The following PTPN13 variants were observed in gnomAD, a reference collection of about 807,000 sequenced individuals.
PTPN13 encodes tyrosine-protein phosphatase non-receptor type 13.
A neutral mutation model predicts 284.0 loss-of-function variants in PTPN13; 191 were observed. That is an observed-to-expected ratio of 0.67 (90% CI 0.60 to 0.76). The LOEUF is 0.76. Among genes scored for constraint, PTPN13 ranks in the 30% least tolerant of loss-of-function variants. The probability of loss-of-function intolerance (pLI) is 0.00; values close to 1 mark genes in which losing one functional copy is unlikely to be tolerated. For synonymous variants in PTPN13, 986 were observed against 1,022.3 expected, an observed-to-expected ratio of 0.96 and a Z score of 0.68; for missense variants, 2,797 against 2,939.9, an observed-to-expected ratio of 0.95 and a Z score of 1.12.
intron 43 of PTPN13, 40 bp downstream of exon 43, chr4:86,803,897 G>C: frequency 6.3e-6 from 10 of 1,582,154 alleles, no homozygotes; most frequent in Non-Finnish European, 8.6e-6. Flanking sequence ...CAAAGTGTAT[G>C]CATTTAGTTT....
At chr4:86,653,526 T>C (rs1251515741) in intron 2 of PTPN13, among the ~76,000 whole-genome samples, 1 of 151,920 alleles carries the variant, frequency 6.6e-6, no homozygotes, top group Non-Finnish European at 1.5e-5. Flanking sequence ...GTGTTTATTG[T>C]TTTTTATTAA....
intron 3 of PTPN13, among the ~76,000 whole-genome samples, chr4:86,677,420 T>G (rs1728410071): frequency 6.6e-6 from 1 of 150,766 alleles, no homozygotes; most frequent in South Asian, 2.1e-4. Flanking sequence ...GTTCAAGTAG[T>G]TCTCCTGCCT....
At position 86,775,431 on chromosome 4, in the gene PTPN13, A is replaced by G. The variant is rs1395150226; in HGVS notation, c.5681-11A>G. 3.1e-6 allele frequency: 5 copies of G among 1,596,704 alleles called. No homozygotes were observed. Among genetic ancestry groups the G allele is most frequent in the African/African-American group, 1.3e-5 (1 of 74,518 alleles). ...ATGACTGAGAAAACAAATATTTTCT[A>G]TTATTTCAAGGTTTTTCCTTATGTG... On this transcript the variant is annotated splice_polypyrimidine_tract_variant and intron_variant, in intron 34 of 47. Transcript: ENST00000411767.
intron 2 of PTPN13, among the ~76,000 whole-genome samples, chr4:86,671,983 C>A (rs1727764642): frequency 6.6e-6 from 1 of 152,184 alleles, no homozygotes; most frequent in Non-Finnish European, 1.5e-5. Flanking sequence ...TCACCAATTT[C>A]TTAAAGGAAT....
At position 86,701,757 on chromosome 4, in the gene PTPN13, G is replaced by C. The variant is rs754917946; in HGVS notation, c.1151G>C (p.Arg384Thr). Residue 384 changes from arginine to threonine, a missense_variant, in exon 7 of 48, where the codon AGA becomes ACA. Transcript: ENST00000411767. Reference protein sequence around the residue: ...ISSALDRIRERQKKLQVLREA... With the variant: ...ISSALDRIRETQKKLQVLREA... ...AGTGCTTTGGACCGAATCCGAGAGA[G>C]ACAAAAGAAACTTCAGGTTCTGAGG... 29 of 1,613,366 alleles carry C rather than the reference G, an allele frequency of 1.8e-5. No homozygotes were observed. The highest frequency in any genetic ancestry group is 2.4e-5 in the Non-Finnish European group (28 of 1,179,690).
chr4:86,734,225 A>T, intron 12 of PTPN13, 78 bp from the exon 13 acceptor site: 1 of 1,178,344 alleles, frequency 8.5e-7, no homozygotes. Context: ...TGCAAGTCTG[A>T]CCAAAAAGTG....
chr4:86,709,115 GGATA>G (rs1005738963), intron 7 of PTPN13, among the ~76,000 whole-genome samples: 3 of 151,830 alleles, frequency 2.0e-5, no homozygotes, highest in Non-Finnish European at 4.4e-5. Flanking sequence ...ATGGATGCGT[GGATA>G]GATAGATGAT....
intron 1 of PTPN13, among the ~76,000 whole-genome samples, chr4:86,613,650 A>G (rs988775756): frequency 6.6e-6 from 1 of 151,780 alleles, no homozygotes; most frequent in Non-Finnish European, 1.5e-5. Flanking sequence ...AAAAAAAAAA[A>G]AGAGTTTGGG....
intron 15 of PTPN13, among the ~76,000 whole-genome samples, chr4:86,739,300 C>T (rs1735886662): frequency 6.6e-6 from 1 of 152,176 alleles, no homozygotes; most frequent in African/African-American, 2.4e-5. Context: ...CTTTGTCACA[C>T]TGCTGATAAA....
chr4:86,793,487 C>T (rs544490915), intron 40 of PTPN13, among the ~76,000 whole-genome samples: 1 of 152,278 alleles, frequency 6.6e-6, no homozygotes, highest in African/African-American at 2.4e-5. Flanking sequence ...TTGAATTCAC[C>T]TCTGTACCAA....
chr4:86,656,879 C>T (rs1318025472), intron 2 of PTPN13, among the ~76,000 whole-genome samples: 1 of 152,238 alleles, frequency 6.6e-6, no homozygotes, highest in Admixed American at 6.5e-5. Flanking sequence ...CCACTCAGTT[C>T]GAGCTTCCTG....
At chr4:86,814,389 T>C in intron 47 of PTPN13, 67 bp from the exon 48 acceptor site, 6 of 1,018,192 alleles carry the variant, frequency 5.9e-6, no homozygotes, top group Non-Finnish European at 8.5e-6. Flanking sequence ...AATAGTGGTA[T>C]AGCTATATAT....
intron 35 of PTPN13, 104 bp downstream of exon 35, chr4:86,775,756 T>C (rs1740563820): frequency 1.1e-6 from 1 of 940,590 alleles, no homozygotes; most frequent in Non-Finnish European, 1.6e-6. Flanking sequence ...TAGTAATTCA[T>C]AGACTAAATT....
intron 2 of PTPN13, among the ~76,000 whole-genome samples, chr4:86,653,619 C>T (rs779076262): frequency 6.6e-6 from 1 of 151,616 alleles, no homozygotes; most frequent in African/African-American, 2.4e-5. Context: ...AAATTTCAAA[C>T]CATTGTTTTC....
intron 2 of PTPN13, among the ~76,000 whole-genome samples, chr4:86,646,919 G>T (rs186727840): frequency 6.6e-6 from 1 of 152,092 alleles, no homozygotes; most frequent in East Asian, 1.9e-4. Flanking sequence ...CAACAACATC[G>T]ATTAATCTCA....
At chr4:86,595,216 T>C (rs1192024252) in intron 1 of PTPN13, among the ~76,000 whole-genome samples, 1 of 151,300 alleles carries the variant, frequency 6.6e-6, no homozygotes, top group East Asian at 2.0e-4. Context: ...GTGGAGATGG[T>C]GTGGTTAGAG....
chr4:86,773,415 T>C (rs1050551534), intron 32 of PTPN13, among the ~76,000 whole-genome samples: 1 of 152,206 alleles, frequency 6.6e-6, no homozygotes, highest in African/African-American at 2.4e-5. Flanking sequence ...GTAATTTTTT[T>C]TTTCTCCTCC....
intron 3 of PTPN13, among the ~76,000 whole-genome samples, chr4:86,685,022 C>T (rs1008277970): frequency 6.6e-6 from 1 of 152,180 alleles, no homozygotes; most frequent in African/African-American, 2.4e-5. Context: ...ATGAACTGTC[C>T]ATGCTCTTCT....
chr4:86,608,020 A>G (rs892713203), intron 1 of PTPN13, among the ~76,000 whole-genome samples: 5 of 152,092 alleles, frequency 3.3e-5, no homozygotes, highest in African/African-American at 1.2e-4. Context: ...AATCCTTACA[A>G]TAGAATTTTG....
Sources: allele counts gnomAD v4.1 joint callset (sites outside exome capture counted in the v4.1 genomes callset), GRCh38; gene constraint gnomAD v4.1.1; transcripts MANE v1.5; gene names NCBI Gene and HGNC (gene_info 2026-07-23, HGNC 2026-07-21).